EIF3E: variants seen among roughly 807,000 people sequenced by gnomAD.
EIF3E encodes the protein eIF-3 p48.
EIF3E carries 25 observed loss-of-function variants against 59.3 expected under a neutral mutation model. The observed-to-expected ratio is 0.42, with a 90% CI of 0.31 to 0.59. EIF3E has a LOEUF of 0.59. EIF3E is among the 20% of genes least tolerant of loss of function. The probability of loss-of-function intolerance (pLI) is 0.15; values close to 1 mark genes in which losing one functional copy is unlikely to be tolerated. For missense variants in EIF3E, 317 were observed against 534.3 expected (o/e 0.59, Z 4.01); for synonymous variants, 176 against 170.2 (o/e 1.03, Z -0.26).
chr8:108,242,757 A>G, intron 1 of EIF3E: 1 of 798,920 alleles, frequency 1.3e-6, no homozygotes, highest in East Asian at 1.1e-4. Flanking sequence ...GCACTTCGCA[A>G]AAGAAGACAA....
chr8:108,221,805 C>T (rs112040802), intron 7 of EIF3E, among the ~76,000 whole-genome samples: 2 of 152,190 alleles, frequency 1.3e-5, no homozygotes, highest in African/African-American at 2.4e-5. Context: ...TACACACACA[C>T]GCACACACAC....
intron 10 of EIF3E, among the ~76,000 whole-genome samples, chr8:108,208,628 T>C (rs927781887): frequency 6.6e-6 from 1 of 152,144 alleles, no homozygotes; most frequent in Admixed American, 6.5e-5. Flanking sequence ...TAAATTGTTA[T>C]GTGGTAATAA....
intron 5 of EIF3E, 124 bp from the exon 6 acceptor site, chr8:108,229,319 A>G: frequency 2.1e-6 from 2 of 975,158 alleles, no homozygotes; most frequent in East Asian, 2.8e-5. Flanking sequence ...AAAAAACTGT[A>G]ATTATCTAAG....
chr8:108,209,713 C>T (rs1248373604), intron 10 of EIF3E, among the ~76,000 whole-genome samples: 2 of 152,056 alleles, frequency 1.3e-5, no homozygotes, highest in African/African-American at 4.8e-5. Flanking sequence ...GCATATTTGC[C>T]GTTTAGGAAG....
chr8:108,218,252 C>T (rs914099477), intron 7 of EIF3E, among the ~76,000 whole-genome samples: 1 of 152,096 alleles, frequency 6.6e-6, no homozygotes, highest in African/African-American at 2.4e-5. Flanking sequence ...CTACATCTCC[C>T]ATCACACTAC....
chr8:108,242,123 A>C, intron 1 of EIF3E: 3 of 1,439,656 alleles, frequency 2.1e-6, no homozygotes, highest in Non-Finnish European at 2.8e-6. Context: ...TAAAAATTTT[A>C]AAATGAAGAG....
chr8:108,241,705 G>A lies in EIF3E; in HGVS notation c.205+94C>T, dbSNP rs115116236. On this transcript the variant is annotated intron_variant, in intron 2 of 12. Coordinates refer to ENST00000220849, the MANE Select transcript of EIF3E (RefSeq NM_001568.3). Reference sequence around the variant, plus strand: ...ACATTAACATTCAAATCATATTTAAGCCTTTTGGCTAAAGCTGTCTTATAA... The same window carrying A: ...ACATTAACATTCAAATCATATTTAAACCTTTTGGCTAAAGCTGTCTTATAA... 916 of 626,932 alleles carry A rather than the reference G, an allele frequency of 1.5e-3. 8 individuals are homozygous for A. In the African/African-American group the frequency reaches 0.015, roughly 10 times the overall value. The allele number at this position is 626,932 out of a possible 1,614,324, so 38.8% of individuals were successfully genotyped here.
At chr8:108,228,068 G>A (rs1018958919) in intron 7 of EIF3E, 199 bp downstream of exon 7, 22 of 451,946 alleles carry the variant, frequency 4.9e-5, no homozygotes, top group African/African-American at 4.3e-4. Context: ...CACTTTAAAA[G>A]GCTTAGGGTA....
chr8:108,244,981 G>C (rs960062096), intron 1 of EIF3E, among the ~76,000 whole-genome samples: 24 of 151,900 alleles, frequency 1.6e-4, no homozygotes, highest in African/African-American at 5.3e-4. Flanking sequence ...CTCGCCCTGA[G>C]AATGACCCCA....
intron 7 of EIF3E, among the ~76,000 whole-genome samples, chr8:108,219,107 G>A (rs1427306171): frequency 2.0e-5 from 3 of 151,970 alleles, no homozygotes; most frequent in Admixed American, 6.6e-5. Flanking sequence ...TTTAGTGCAC[G>A]TTTATGAGAC....
intron 1 of EIF3E, chr8:108,242,415 A>T (rs1246488410): frequency 1.6e-6 from 2 of 1,289,292 alleles, no homozygotes; most frequent in Non-Finnish European, 2.0e-6. Context: ...AAAAAAGCAT[A>T]ATTTAACCTA....
chr8:108,216,175 GCAA>G (rs1302824013), intron 9 of EIF3E, among the ~76,000 whole-genome samples: 1 of 152,006 alleles, frequency 6.6e-6, no homozygotes, highest in African/African-American at 2.4e-5. Context: ...TAAACACATG[GCAA>G]CAACATTAAA....
chr8:108,213,114 A>C (rs564450555), intron 10 of EIF3E, among the ~76,000 whole-genome samples: 1 of 152,338 alleles, frequency 6.6e-6, no homozygotes, highest in South Asian at 2.1e-4. Flanking sequence ...AACTTCTTTG[A>C]GCTGCACATC....
At chr8:108,232,997 G>T (rs1372490436) in intron 5 of EIF3E, among the ~76,000 whole-genome samples, 2 of 152,168 alleles carry the variant, frequency 1.3e-5, no homozygotes, top group Non-Finnish European at 2.9e-5. Context: ...CCAGGCTTCT[G>T]ATTTTACAAT....
intron 7 of EIF3E, among the ~76,000 whole-genome samples, chr8:108,222,168 A>G (rs1393259656): frequency 8.9e-6 from 1 of 112,734 alleles, no homozygotes; most frequent in Non-Finnish European, 1.9e-5. Context: ...CCAACCTCCC[A>G]AGTAGTTGGG....
chr8:108,214,295 GA>G (rs1264367771), intron 10 of EIF3E, among the ~76,000 whole-genome samples: 1 of 152,084 alleles, frequency 6.6e-6, no homozygotes, highest in Non-Finnish European at 1.5e-5. Flanking sequence ...AACCATTTTA[GA>G]AATGTTTACT....
chr8:108,235,018 G>C lies in EIF3E; in HGVS notation c.451C>G (p.Leu151Val). The change falls in exon 5 of 13, where the codon CTT becomes GTT. Residue 151 changes from leucine to valine, a missense_variant. This residue lies in a region of EIF3E where 242 missense variants were observed against 398.0 expected (regional missense o/e 0.61). Transcript: ENST00000220849. The stretch of plus-strand genomic sequence containing the variant: ...CTTACCAGCACTCTAAAAAAATAAA[G>C]ATATTCTGCTGCTCCTGAGTAATTC... ...CGNYSGAAEY[L>V]YFFRVLVPAT... The C allele has an allele frequency of 2.1e-6, 3 of 1,450,108 alleles. No individual in the cohort carries two copies. Among genetic ancestry groups the C allele is most frequent in the Non-Finnish European group, 2.8e-6 (3 of 1,062,430 alleles). The allele number at this position is 1,450,108 out of a possible 1,614,324, so 89.8% of individuals were successfully genotyped here.
chr8:108,208,434 T>G (rs999380034), intron 10 of EIF3E, among the ~76,000 whole-genome samples: 17 of 152,160 alleles, frequency 1.1e-4, no homozygotes, highest in Non-Finnish European at 1.9e-4. Flanking sequence ...TATGTTTAAC[T>G]GTATGATTGG....
intron 7 of EIF3E, among the ~76,000 whole-genome samples, chr8:108,223,197 T>G (rs2129881737): frequency 6.6e-6 from 1 of 152,268 alleles, no homozygotes; most frequent in South Asian, 2.1e-4. Flanking sequence ...CAAAATACAC[T>G]GAAATGACTT....
Sources: allele counts gnomAD v4.1 joint callset (sites outside exome capture counted in the v4.1 genomes callset), GRCh38; gene constraint gnomAD v4.1.1; regional missense constraint gnomAD v4.1.1; transcripts MANE v1.5; gene names NCBI Gene and HGNC (gene_info 2026-07-23, HGNC 2026-07-21).